Variants in GLIS3 observed in about 807,000 individuals in gnomAD.
GLIS3 encodes zinc finger protein GLIS3.
A neutral mutation model predicts 78.6 loss-of-function variants in GLIS3; 53 were observed. The ratio of observed to expected loss-of-function variants is 0.67; its 90% CI spans 0.54 to 0.85. The LOEUF (loss-of-function observed/expected upper bound fraction) is 0.85. Among genes scored for constraint, GLIS3 ranks in the 40% least tolerant of loss-of-function variants. GLIS3 has a pLI of 0.00. For missense variants in GLIS3, 1,703 were observed against 1,231.1 expected (o/e 1.38, Z -5.74); for synonymous variants, 684 against 509.9 (o/e 1.34, Z -4.60).
chr9:4,474,895 G>C, the GLIS3 span, among the ~76,000 whole-genome samples: 1 of 151,262 alleles, frequency 6.6e-6, no homozygotes, highest in Non-Finnish European at 1.5e-5. Flanking sequence ...AGAGACGGGG[G>C]CTCCCTATGT....
At position 3,832,176 on chromosome 9, in the gene GLIS3, A is replaced by G. The variant is rs143584876; in HGVS notation, c.2474-2684T>C. On this transcript the variant is annotated intron_variant, in intron 9 of 10. Transcript: ENST00000381971. Reference sequence around the variant, plus strand: ...AAAGATTAAATGAGTTAATACTTACATATTATACAATTTTATAATTAGCAT... The same window carrying G: ...AAAGATTAAATGAGTTAATACTTACGTATTATACAATTTTATAATTAGCAT... Among the ~76,000 whole-genome samples the G allele has an allele frequency of 2.0e-5, 3 of 150,446 alleles. No individual in the cohort carries two copies. In the East Asian group the frequency reaches 5.8e-4, roughly 29 times the overall value.
chr9:4,421,671 G>A, the GLIS3 span, among the ~76,000 whole-genome samples: 628 of 152,338 alleles, frequency 4.1e-3, 3 homozygotes, highest in African/African-American at 0.014. Flanking sequence ...TGCCTTGTCT[G>A]CAGAATTCAC....
At chr9:4,282,743 A>G (rs1266229826) in intron 2 of GLIS3, among the ~76,000 whole-genome samples, 1 of 144,448 alleles carries the variant, frequency 6.9e-6, no homozygotes, top group South Asian at 2.2e-4. Context: ...AAATTTCTTT[A>G]TATATATACA....
chr9:4,051,318 G>A (rs1410294678), intron 4 of GLIS3, among the ~76,000 whole-genome samples: 1 of 152,176 alleles, frequency 6.6e-6, no homozygotes, highest in East Asian at 1.9e-4. Context: ...GCAGGGGCGG[G>A]GATAGGGGGT....
At chr9:4,384,260 C>G in the GLIS3 span, among the ~76,000 whole-genome samples, 7 of 152,194 alleles carry the variant, frequency 4.6e-5, no homozygotes, top group South Asian at 4.2e-4. Context: ...TCTTTTGAAA[C>G]AACAGCAGTG....
At chr9:4,314,469 T>C (rs1359621926) in intron 2 of GLIS3, among the ~76,000 whole-genome samples, 3 of 152,236 alleles carry the variant, frequency 2.0e-5, no homozygotes, top group Non-Finnish European at 4.4e-5. Context: ...AGTCAATAGG[T>C]AAATACTGCT....
chr9:3,981,461 C>T (rs748605113), intron 4 of GLIS3, among the ~76,000 whole-genome samples: 12 of 152,088 alleles, frequency 7.9e-5, no homozygotes, highest in Non-Finnish European at 1.6e-4. Context: ...TGCGGTCAGG[C>T]GGCAGCTCAG....
chr9:3,985,960 C>A (rs868759308), intron 4 of GLIS3, among the ~76,000 whole-genome samples: 1 of 152,110 alleles, frequency 6.6e-6, no homozygotes, highest in South Asian at 2.1e-4. Flanking sequence ...ATTAAAAATT[C>A]ATTTGTGGAG....
At chr9:3,864,704 C>A (rs1461746641) in intron 8 of GLIS3, among the ~76,000 whole-genome samples, 1 of 152,148 alleles carries the variant, frequency 6.6e-6, no homozygotes, top group Non-Finnish European at 1.5e-5. Flanking sequence ...GAATTTTCTG[C>A]ACCTTCTCTT....
chr9:3,894,216 C>T (rs944571864), intron 7 of GLIS3, among the ~76,000 whole-genome samples: 3 of 152,182 alleles, frequency 2.0e-5, no homozygotes, highest in Admixed American at 6.5e-5. Context: ...AATAACTATG[C>T]ATTTTTATAA....
intron 4 of GLIS3, among the ~76,000 whole-genome samples, chr9:3,968,694 T>A (rs551171564): frequency 6.6e-6 from 1 of 152,292 alleles, no homozygotes; most frequent in South Asian, 2.1e-4. Context: ...GGAAACTACA[T>A]AAATGATAGT....
chr9:4,042,582 T>A lies in GLIS3; in HGVS notation c.1710+75186A>T, dbSNP rs114786604. On this transcript the variant is annotated intron_variant, in intron 4 of 10. Transcript: ENST00000381971. ...CTTCTACATCCACTGTTCCGAAGAT[T>A]TCCACACTGATTCTGAGCAATTTAT... Among the ~76,000 whole-genome samples, 1,499 of 152,248 alleles carry A rather than the reference T, an allele frequency of 9.8e-3. 18 individuals carry two copies. Among genetic ancestry groups the A allele is most frequent in the African/African-American group, 0.033 (1,388 of 41,540 alleles).
chr9:3,983,607 G>A (rs755129017), intron 4 of GLIS3, among the ~76,000 whole-genome samples: 4 of 152,204 alleles, frequency 2.6e-5, no homozygotes, highest in Non-Finnish European at 5.9e-5. Context: ...GGCTGAGGTG[G>A]TCTCAGATGG....
intron 2 of GLIS3, among the ~76,000 whole-genome samples, chr9:4,129,158 A>G (rs755325490): frequency 6.6e-6 from 1 of 152,234 alleles, no homozygotes; most frequent in Admixed American, 6.5e-5. Flanking sequence ...ATAATGCCAG[A>G]AACATAATGA....
At chr9:4,397,924 G>A in the GLIS3 span, among the ~76,000 whole-genome samples, 2 of 151,968 alleles carry the variant, frequency 1.3e-5, no homozygotes, top group African/African-American at 4.8e-5. Context: ...TTCCTCCATT[G>A]TGGGTCCCTG....
chr9:4,321,400 C>G lies in GLIS3; in HGVS notation n.265-10872G>C, dbSNP rs532858219. ...TGGCGCCACTGCACTCCAGCCTGGGCCACAGAGCTAGACTCCGTCTCAAAA... is the reference window on the plus strand; with the variant it reads ...TGGCGCCACTGCACTCCAGCCTGGGGCACAGAGCTAGACTCCGTCTCAAAA... On this transcript the variant is annotated intron_variant and non_coding_transcript_variant, in intron 2 of 4. Coordinates refer to the GLIS3 transcript ENST00000471664. 1.7e-4 allele frequency among the ~76,000 whole-genome samples: 16 copies of G among 91,660 alleles called. 2 individuals carry two copies. The highest frequency in any genetic ancestry group is 2.3e-4 in the Non-Finnish European group (13 of 56,132). 60.1% of individuals were successfully genotyped at this position (91,660 alleles called of 152,430 possible).
chr9:4,362,768 T>A, the GLIS3 span, among the ~76,000 whole-genome samples: 1 of 152,156 alleles, frequency 6.6e-6, no homozygotes, highest in African/African-American at 2.4e-5. Flanking sequence ...ATCATTTCAT[T>A]CCACAAATAG....
rs571451164 is a variant in GLIS3, at chr9:4,187,247, T to C, written c.389-61306A>G. Reference sequence around the variant, plus strand: ...AGTTTTCCCAAAACCATTTATTAAATAGGGAATCCTTTCCCCATTGCTTGT... The same window carrying C: ...AGTTTTCCCAAAACCATTTATTAAACAGGGAATCCTTTCCCCATTGCTTGT... On this transcript the variant is annotated intron_variant, in intron 2 of 10. Transcript: ENST00000381971. Among the ~76,000 whole-genome samples, 158 of 152,336 alleles carry C rather than the reference T, an allele frequency of 1.0e-3. 1 individual carries two copies. Among genetic ancestry groups the C allele is most frequent in the Middle Eastern group, 3.4e-3 (1 of 294 alleles).
intron 9 of GLIS3, among the ~76,000 whole-genome samples, chr9:3,852,144 CA>C (rs1819474114): frequency 1.4e-5 from 2 of 141,762 alleles, no homozygotes; most frequent in Non-Finnish European, 1.5e-5. Flanking sequence ...GACTACGTTC[CA>C]AAAGAAAAAA....
Sources: gnomAD v4.1 joint callset for allele counts (sites outside exome capture counted in the v4.1 genomes callset) on GRCh38, gnomAD v4.1.1 for gene constraint, MANE v1.5 for transcripts, NCBI Gene and HGNC (gene_info 2026-07-23, HGNC 2026-07-21) for gene names.